SLC25A13: variants seen among roughly 807,000 people sequenced by gnomAD.
SLC25A13 encodes electrogenic aspartate/glutamate antiporter SLC25A13, mitochondrial.
SLC25A13 carries 70 observed loss-of-function variants against 85.5 expected under a neutral mutation model. That is an observed-to-expected ratio of 0.82 (90% CI 0.68 to 1.00). The LOEUF (loss-of-function observed/expected upper bound fraction) is 1.00. Ranked by LOEUF, SLC25A13 falls within the 50% of genes least tolerant of loss-of-function variation. The pLI, the probability that SLC25A13 is intolerant of heterozygous loss-of-function variation, is 0.00. For synonymous variants in SLC25A13, 259 were observed against 288.7 expected, an observed-to-expected ratio of 0.90 and a Z score of 1.04; for missense variants, 765 against 819.8, an observed-to-expected ratio of 0.93 and a Z score of 0.82.
intron 3 of SLC25A13, among the ~76,000 whole-genome samples, chr7:96,247,971 A>AG (rs1423653654): frequency 6.6e-6 from 1 of 151,850 alleles, no homozygotes; most frequent in Non-Finnish European, 1.5e-5. Flanking sequence ...AAAAAAAAAA[A>AG]AAAGAAAGAG....
At chr7:96,239,808 A>G (rs1796899364) in intron 3 of SLC25A13, among the ~76,000 whole-genome samples, 1 of 152,208 alleles carries the variant, frequency 6.6e-6, no homozygotes. Context: ...TGTTTTACAA[A>G]GCATTAGAGC....
intron 2 of SLC25A13, among the ~76,000 whole-genome samples, chr7:96,282,619 G>T (rs1798731746): frequency 2.0e-5 from 3 of 152,224 alleles, no homozygotes; most frequent in Admixed American, 2.0e-4. Context: ...TTATGACTGT[G>T]TAGGAGATTG....
intron 14 of SLC25A13, among the ~76,000 whole-genome samples, chr7:96,138,787 T>TA (rs971785564): frequency 1.3e-5 from 2 of 152,198 alleles, no homozygotes; most frequent in African/African-American, 2.4e-5. Context: ...AAAGAATGGT[T>TA]AAAAAAATTG....
intron 13 of SLC25A13, among the ~76,000 whole-genome samples, chr7:96,166,095 C>T (rs1018213040): frequency 1.3e-5 from 2 of 152,200 alleles, no homozygotes; most frequent in African/African-American, 4.8e-5. Context: ...GTTTTCCCAA[C>T]AGTGTTAGTC....
intron 13 of SLC25A13, among the ~76,000 whole-genome samples, chr7:96,152,069 C>T (rs769591675): frequency 2.6e-5 from 4 of 152,230 alleles, no homozygotes; most frequent in Non-Finnish European, 5.9e-5. Flanking sequence ...GGATTCCAAG[C>T]TCAAGTGGCT....
intron 7 of SLC25A13, among the ~76,000 whole-genome samples, chr7:96,190,086 T>C (rs1180353830): frequency 6.7e-6 from 1 of 149,778 alleles, no homozygotes; most frequent in East Asian, 1.9e-4. Context: ...ATTCTGATTT[T>C]TTTTTTTTTT....
intron 3 of SLC25A13, among the ~76,000 whole-genome samples, chr7:96,260,454 C>T (rs936072755): frequency 6.6e-6 from 1 of 152,034 alleles, no homozygotes; most frequent in African/African-American, 2.4e-5. Context: ...CCCAATTCCC[C>T]CACCCTACAA....
chr7:96,299,019 T>C (rs1034463751), intron 1 of SLC25A13, among the ~76,000 whole-genome samples: 1 of 152,150 alleles, frequency 6.6e-6, no homozygotes, highest in African/African-American at 2.4e-5. Flanking sequence ...CATAACACTT[T>C]TTTCAAAAGC....
chr7:96,157,318 A>C (rs1368715467), intron 13 of SLC25A13, among the ~76,000 whole-genome samples: 1 of 152,050 alleles, frequency 6.6e-6, no homozygotes, highest in East Asian at 1.9e-4. Flanking sequence ...GCTAGTCTGC[A>C]AAAAAACCAA....
At position 96,269,110 on chromosome 7, in the gene SLC25A13, G is replaced by T. The variant is rs771811196; in HGVS notation, c.212+8086C>A. ...AAGCTCCAAGAGGGCAACAAGCACT[G>T]TGTTTTTTTTTCCATTCACCATGTT... On this transcript the variant is annotated intron_variant, in intron 3 of 17. Coordinates refer to ENST00000265631, the MANE Select transcript of SLC25A13 (RefSeq NM_014251.3). Among the ~76,000 whole-genome samples the T allele has an allele frequency of 2.6e-5, 4 of 152,158 alleles. No individual in the cohort carries two copies. In the East Asian group the frequency reaches 7.7e-4, roughly 29 times the overall value.
At chr7:96,151,903 C>T (rs1036379174) in intron 13 of SLC25A13, among the ~76,000 whole-genome samples, 2 of 152,158 alleles carry the variant, frequency 1.3e-5, no homozygotes, top group African/African-American at 4.8e-5. Context: ...CAAGATTGTG[C>T]CACTGCACTC....
At chr7:96,134,336 C>T (rs1410295345) in intron 14 of SLC25A13, among the ~76,000 whole-genome samples, 1 of 152,066 alleles carries the variant, frequency 6.6e-6, no homozygotes, top group Non-Finnish European at 1.5e-5. Context: ...TGCGCCTGGC[C>T]ACTTTTAGCT....
At chr7:96,209,598 C>T (rs1795613196) in intron 4 of SLC25A13, among the ~76,000 whole-genome samples, 1 of 152,102 alleles carries the variant, frequency 6.6e-6, no homozygotes, top group South Asian at 2.1e-4. Flanking sequence ...TTCTACTGCA[C>T]TCTTTTGGCT....
chr7:96,289,161 C>T (rs180930692), intron 2 of SLC25A13, among the ~76,000 whole-genome samples: 16 of 152,330 alleles, frequency 1.1e-4, no homozygotes, highest in African/African-American at 3.6e-4. Context: ...TGGTGTGGAC[C>T]TCCATCAAAC....
chr7:96,173,505 G>A (rs765607891), intron 11 of SLC25A13, among the ~76,000 whole-genome samples: 7 of 152,296 alleles, frequency 4.6e-5, no homozygotes, highest in Non-Finnish European at 8.8e-5. Flanking sequence ...ACACCCAGCT[G>A]CATTTGTTCA....
chr7:96,171,594 A>G (rs1322980709), intron 11 of SLC25A13, 70 bp from the exon 12 acceptor site: 8 of 1,348,698 alleles, frequency 5.9e-6, no homozygotes, highest in Non-Finnish European at 8.4e-6. Flanking sequence ...ACAGTTCTAC[A>G]GAGGGGATTA....
intron 3 of SLC25A13, among the ~76,000 whole-genome samples, chr7:96,261,725 G>C (rs1167939635): frequency 1.3e-5 from 2 of 152,152 alleles, no homozygotes; most frequent in African/African-American, 4.8e-5. Flanking sequence ...TCCATTTTAT[G>C]CTTCTAGAAC....
rs766684721 is a variant in SLC25A13, at chr7:96,120,735, T to C, written c.*456A>G. ...GAAGCCAGGCTGAATATATTTGATA[T>C]ATATTTTTTCATTTCTCCCAGTGTT... On this transcript the variant is annotated 3_prime_UTR_variant, in exon 18 of 18. Transcript: ENST00000265631. 6.6e-6 allele frequency: 3 copies of C among 454,196 alleles called. No homozygotes were observed. The highest frequency in any genetic ancestry group is 8.8e-6 in the Non-Finnish European group (2 of 226,954). The allele number at this position is 454,196 out of a possible 1,614,324, so 28.1% of individuals were successfully genotyped here. A position where few individuals can be genotyped will look rare whatever the true frequency, so the allele number is the denominator to read the frequency against.
At chr7:96,223,505 C>A (rs964238241) in intron 4 of SLC25A13, among the ~76,000 whole-genome samples, 1 of 151,962 alleles carries the variant, frequency 6.6e-6, no homozygotes, top group African/African-American at 2.4e-5. Flanking sequence ...TTCAAGCTCT[C>A]GGCTAGGCAC....
Sources: gnomAD v4.1 joint callset for allele counts (sites outside exome capture counted in the v4.1 genomes callset) on GRCh38, gnomAD v4.1.1 for gene constraint, MANE v1.5 for transcripts, NCBI Gene and HGNC (gene_info 2026-07-23, HGNC 2026-07-21) for gene names.